The following CNOT7 variants were observed in gnomAD, a reference collection of about 807,000 sequenced individuals.
CNOT7 encodes the protein BTG1-binding factor 1.
CNOT7 carries 4 observed loss-of-function variants against 37.1 expected under a neutral mutation model. The ratio of observed to expected loss-of-function variants is 0.11; its 90% CI spans 0.05 to 0.25. CNOT7 has a LOEUF of 0.25. Among genes scored for constraint, CNOT7 ranks in the 10% least tolerant of loss-of-function variants. The probability of loss-of-function intolerance (pLI) is 1.00; values close to 1 mark genes in which losing one functional copy is unlikely to be tolerated. For synonymous variants in CNOT7, 128 were observed against 115.6 expected (o/e 1.11, Z -0.69); for missense variants, 170 against 336.2 (o/e 0.51, Z 3.87).
At position 17,245,087 on chromosome 8, in the gene CNOT7, T is replaced by C; in HGVS notation, c.66A>G (p.Glu22=). The change falls in exon 2 of 7, where the codon GAA becomes GAG. Residue 22 remains glutamate, a synonymous_variant. Transcript: ENST00000361272. ...ICEVWACNLD[E]EMKKIRQVIR... Reference sequence around the variant, plus strand: ...TAACTTGACGAATTTTCTTCATCTCTTCATCCAAGTTGCAAGCCCAAACTT... The same window carrying C: ...TAACTTGACGAATTTTCTTCATCTCCTCATCCAAGTTGCAAGCCCAAACTT... The C allele has an allele frequency of 6.2e-7, 1 of 1,613,772 alleles. No individual in the cohort carries two copies. Among genetic ancestry groups the C allele is most frequent in the South Asian group, 1.1e-5 (1 of 91,056 alleles).
chr8:17,235,811 A>G (rs1235466063), intron 4 of CNOT7, among the ~76,000 whole-genome samples: 1 of 152,224 alleles, frequency 6.6e-6, no homozygotes, highest in Non-Finnish European at 1.5e-5. Flanking sequence ...ATGGAATAAA[A>G]TCTTCTATCT....
Position 17,225,807 on chromosome 8 carries a change from T to G in CNOT7, c.*4913A>C, listed in dbSNP as rs1482997133. 2.6e-5 allele frequency: 4 copies of G among 151,714 alleles called. No individual in the cohort carries two copies. Among genetic ancestry groups the G allele is most frequent in the Admixed American group, 2.6e-4 (4 of 15,206 alleles). The allele number at this position is 151,714 out of a possible 1,614,324, so 9.4% of individuals were successfully genotyped here. A position where few individuals can be genotyped will look rare whatever the true frequency, so the allele number is the denominator to read the frequency against. On this transcript the variant is annotated 3_prime_UTR_variant, in exon 7 of 7. Transcript: ENST00000361272. ...ATGGCATGTGTGAACTGGCCTTCAC[T>G]ACAAAGCACCGACACACAGAATAAT...
chr8:17,234,355 C>A (rs866815632), intron 5 of CNOT7, among the ~76,000 whole-genome samples: 1 of 152,190 alleles, frequency 6.6e-6, no homozygotes, highest in Admixed American at 6.5e-5. Context: ...CTTGTAAGAA[C>A]AGATTCTATG....
At chr8:17,246,494 C>G (rs1479513988) in intron 1 of CNOT7, 181 bp downstream of exon 1, 2 of 153,514 alleles carry the variant, frequency 1.3e-5, no homozygotes, top group African/African-American at 4.8e-5. Flanking sequence ...TACGCGCCAA[C>G]CCCTTGACAA....
rs1012491016 is a variant in CNOT7 at position 17,245,492 on chromosome 8, T to C, written c.-95-245A>G. Among the ~76,000 whole-genome samples, 5 of 152,214 alleles carry C rather than the reference T, an allele frequency of 3.3e-5. No homozygotes were observed. In the South Asian group the frequency reaches 6.2e-4, roughly 19 times the overall value. On this transcript the variant is annotated intron_variant, in intron 1 of 6. Transcript: ENST00000361272. ...TAGCTTTTTTACACATACATACTAA[T>C]CATATTTTATAACTTTCCACTAATT...
intron 4 of CNOT7, among the ~76,000 whole-genome samples, chr8:17,236,553 G>A (rs1014148046): frequency 3.3e-5 from 5 of 152,012 alleles, no homozygotes; most frequent in African/African-American, 1.2e-4. Flanking sequence ...GTATTTTGGT[G>A]ACCATTAAAA....
Position 17,230,903 on chromosome 8 carries a change from T to C in CNOT7, c.730-55A>G, listed in dbSNP as rs1455150483. On this transcript the variant is annotated intron_variant, in intron 6 of 6. Coordinates refer to ENST00000361272, the MANE Select transcript of CNOT7 (RefSeq NM_013354.7). ...GATAATTTTAACCAAAAGGAACCAC[T>C]TGTAATTTATATTTCAGCAATGTAA... 4.6e-6 allele frequency: 6 copies of C among 1,299,208 alleles called. No individual in the cohort carries two copies. The African/African-American group carries it at 6.0e-5, about 13-fold the overall frequency. The allele number at this position is 1,299,208 out of a possible 1,614,324, so 80.5% of individuals were successfully genotyped here. A position where few individuals can be genotyped will look rare whatever the true frequency, so the allele number is the denominator to read the frequency against.
chr8:17,233,529 G>T (rs1043729100), intron 5 of CNOT7, among the ~76,000 whole-genome samples: 15 of 152,086 alleles, frequency 9.9e-5, no homozygotes, highest in African/African-American at 3.6e-4. Context: ...AAACTTCCCA[G>T]TAACAACCAC....
At chr8:17,237,044 A>T (rs1165110496) in intron 4 of CNOT7, among the ~76,000 whole-genome samples, 168 bp downstream of exon 4, 2 of 152,196 alleles carry the variant, frequency 1.3e-5, no homozygotes, top group Non-Finnish European at 2.9e-5. Flanking sequence ...ATTTTAAATT[A>T]ACCTTTAAGC....
chr8:17,239,271 A>T (rs1220089871), intron 3 of CNOT7, among the ~76,000 whole-genome samples: 1 of 151,998 alleles, frequency 6.6e-6, no homozygotes, highest in African/African-American at 2.4e-5. Flanking sequence ...ACTGGTCTTA[A>T]ACTGAGCTCA....
At chr8:17,235,004 A>G in intron 4 of CNOT7, 144 bp from the exon 5 acceptor site, 1 of 644,032 alleles carries the variant, frequency 1.6e-6, no homozygotes, top group Non-Finnish European at 2.6e-6. Context: ...AAGAACAGAG[A>G]AAACAAACAT....
intron 4 of CNOT7, among the ~76,000 whole-genome samples, chr8:17,236,563 A>G (rs1462756329): frequency 6.6e-6 from 1 of 152,202 alleles, no homozygotes; most frequent in African/African-American, 2.4e-5. Flanking sequence ...GACCATTAAA[A>G]CAAGTCTTCA....
Position 17,229,395 on chromosome 8 carries a change from G to A in CNOT7, c.*1325C>T, listed in dbSNP as rs1181686762. The A allele has an allele frequency of 6.6e-6, 1 of 152,208 alleles. No homozygotes were observed. Among genetic ancestry groups the A allele is most frequent in the Non-Finnish European group, 1.5e-5 (1 of 67,790 alleles). 9.4% of individuals were successfully genotyped at this position (152,208 alleles called of 1,614,324 possible). A position where few individuals can be genotyped will look rare whatever the true frequency, so the allele number is the denominator to read the frequency against. ...GACAAACCAATGTGACTAACATTTGGAGATTTGCTAATATTACTGATTGAA... is the reference window on the plus strand; with the variant it reads ...GACAAACCAATGTGACTAACATTTGAAGATTTGCTAATATTACTGATTGAA... On this transcript the variant is annotated 3_prime_UTR_variant, in exon 7 of 7. Coordinates refer to ENST00000361272, the MANE Select transcript of CNOT7 (RefSeq NM_013354.7).
intron 6 of CNOT7, chr8:17,231,897 C>T: frequency 1.0e-6 from 1 of 985,954 alleles, no homozygotes; most frequent in African/African-American, 1.7e-5. Context: ...GGAATTCAAC[C>T]CCCCTTTTAA....
At position 17,230,724 on chromosome 8, in the gene CNOT7, G is replaced by T; in HGVS notation, c.854C>A (p.Ser285Ter). The change falls in exon 7 of 7, where the codon TCA (serine) becomes TAA (stop). Residue 285 changes from serine (S) to a stop codon, truncating the protein, a stop_gained. Transcript: ENST00000361272. LOFTEE classifies it high-confidence loss of function. ...AAATAAAAGGACTATTTCATGTCAT[G>T]ACTGCTTGTTGGCTTCCTCTTCATA... ...NAYEEEANKQ[S>*] The T allele has an allele frequency of 2.5e-6, 4 of 1,599,352 alleles. No homozygotes were observed. Among genetic ancestry groups the T allele is most frequent in the Non-Finnish European group, 2.6e-6 (3 of 1,174,222 alleles).
intron 6 of CNOT7, 124 bp downstream of exon 6, chr8:17,232,303 C>T: frequency 1.3e-6 from 2 of 1,553,580 alleles, no homozygotes; most frequent in South Asian, 1.2e-5. Context: ...GGATGTGACT[C>T]ATATGGTATC....
rs970622100 is a variant in CNOT7 at position 17,225,989 on chromosome 8, A to G, written c.*4731T>C. The stretch of plus-strand genomic sequence containing the variant: ...AGATGAAATAGCAAACAGGACAGAC[A>G]TAGACCCTTGAGTTTCTTCTAGTAG... On this transcript the variant is annotated 3_prime_UTR_variant, in exon 7 of 7. Transcript: ENST00000361272. The G allele has an allele frequency of 7.0e-5, 10 of 143,114 alleles. No homozygotes were observed. Among genetic ancestry groups the G allele is most frequent in the African/African-American group, 2.5e-4 (10 of 39,718 alleles). The allele number at this position is 143,114 out of a possible 1,614,324, so 8.9% of individuals were successfully genotyped here.
At position 17,237,544 on chromosome 8, in the gene CNOT7, G is replaced by C. The variant is rs573241336; in HGVS notation, c.312-171C>G. 3.1e-4 allele frequency: 171 copies of C among 559,064 alleles called. 3 individuals are homozygous for C. In the South Asian group the frequency reaches 4.8e-3, roughly 16 times the overall value. 34.6% of individuals were successfully genotyped at this position (559,064 alleles called of 1,614,324 possible). A position where few individuals can be genotyped will look rare whatever the true frequency, so the allele number is the denominator to read the frequency against. On this transcript the variant is annotated intron_variant, in intron 3 of 6. Coordinates refer to ENST00000361272, the MANE Select transcript of CNOT7 (RefSeq NM_013354.7). ...AGAAAAATGCAATTTAAATACAAAG[G>C]TCATTATTTCAGAAAAGTGTTTCGA... is the stretch of plus-strand genomic sequence containing the variant.
At chr8:17,241,467 C>T (rs576978406) in intron 3 of CNOT7, 2 of 152,230 alleles carry the variant, frequency 1.3e-5, no homozygotes, top group East Asian at 3.9e-4. Flanking sequence ...GGCATCATTA[C>T]TCTGCTTTTC....
Sources: allele counts gnomAD v4.1 joint callset (sites outside exome capture counted in the v4.1 genomes callset), GRCh38; gene constraint gnomAD v4.1.1; transcripts MANE v1.5; gene names NCBI Gene and HGNC (gene_info 2026-07-23, HGNC 2026-07-21).